Variants in PTK2 observed in about 807,000 individuals in gnomAD.
PTK2 encodes the protein protein tyrosine kinase 2.
A neutral mutation model predicts 150.1 loss-of-function variants in PTK2; 45 were observed. That is an observed-to-expected ratio of 0.30 (90% CI 0.24 to 0.38). PTK2 has a LOEUF of 0.38. PTK2 is among the 10% of genes least tolerant of loss of function. PTK2 has a pLI of 1.00. For synonymous variants in PTK2, 432 were observed against 449.2 expected (o/e 0.96, Z 0.48); for missense variants, 919 against 1,307.3 (o/e 0.70, Z 4.58).
At chr8:140,988,342 G>A (rs2100194153) in intron 1 of PTK2, among the ~76,000 whole-genome samples, 1 of 152,176 alleles carries the variant, frequency 6.6e-6, no homozygotes, top group African/African-American at 2.4e-5. Flanking sequence ...AGTAGGAAGG[G>A]TTCCACAATG....
intron 8 of PTK2, among the ~76,000 whole-genome samples, chr8:140,823,727 A>G (rs1025580083): frequency 9.2e-5 from 14 of 152,144 alleles, no homozygotes; most frequent in African/African-American, 3.4e-4. Context: ...TACACAGCTG[A>G]ATGCATCACG....
intron 29 of PTK2, among the ~76,000 whole-genome samples, chr8:140,671,023 A>G (rs910585861): frequency 4.6e-5 from 7 of 152,020 alleles, no homozygotes; most frequent in African/African-American, 1.7e-4. Context: ...ATGGTTTTCT[A>G]TTTTCTGGAG....
At chr8:140,783,934 G>T (rs2154570946) in intron 14 of PTK2, among the ~76,000 whole-genome samples, 1 of 152,270 alleles carries the variant, frequency 6.6e-6, no homozygotes, top group African/African-American at 2.4e-5. Context: ...AGGCCGAGGT[G>T]GGTGGATCAC....
At chr8:140,710,040 G>A (rs1564839617) in intron 23 of PTK2, among the ~76,000 whole-genome samples, 1 of 152,172 alleles carries the variant, frequency 6.6e-6, no homozygotes, top group Admixed American at 6.5e-5. Flanking sequence ...TAAGCCGGGT[G>A]CAGTGGCTCA....
intron 7 of PTK2, among the ~76,000 whole-genome samples, chr8:140,831,921 C>T (rs777351963): frequency 1.3e-5 from 2 of 152,172 alleles, no homozygotes; most frequent in Non-Finnish European, 2.9e-5. Flanking sequence ...TTATGCCAAT[C>T]ACTACGGAAA....
intron 2 of PTK2, among the ~76,000 whole-genome samples, chr8:140,905,826 C>T (rs900607092): frequency 2.0e-5 from 3 of 152,130 alleles, no homozygotes; most frequent in Non-Finnish European, 4.4e-5. Flanking sequence ...GTCTCTCAGA[C>T]CACAGTGCAA....
chr8:140,883,784 T>TTAGTTCCCTA (rs1211765294), intron 3 of PTK2, among the ~76,000 whole-genome samples: 4 of 152,012 alleles, frequency 2.6e-5, no homozygotes, highest in African/African-American at 7.2e-5. Context: ...AGTCACTGTA[T>TTAGTTCCCTA]TAGTTCCCTA....
intron 30 of PTK2, among the ~76,000 whole-genome samples, chr8:140,666,159 G>A (rs2091274916): frequency 6.6e-6 from 1 of 152,156 alleles, no homozygotes; most frequent in South Asian, 2.1e-4. Context: ...CCAACAGGGT[G>A]AAACCCCGTC....
At position 140,872,761 on chromosome 8, in the gene PTK2, G is replaced by A. The variant is rs114897294; in HGVS notation, c.362+6710C>T. ...TACATGTTCCATATGGTCTTAACAT[G>A]TGTTCCCAACAATCTCGTTAGGTTT... On this transcript the variant is annotated intron_variant, in intron 4 of 31. Transcript: ENST00000522684. 4.5e-3 allele frequency among the ~76,000 whole-genome samples: 687 copies of A among 152,318 alleles called. 12 individuals are homozygous for A. The highest frequency in any genetic ancestry group is 0.015 in the African/African-American group (621 of 41,572).
chr8:140,866,295 T>C (rs1263226863), intron 4 of PTK2, among the ~76,000 whole-genome samples: 1 of 152,138 alleles, frequency 6.6e-6, no homozygotes, highest in Admixed American at 6.5e-5. Context: ...ATATTAAAGA[T>C]AAGGAAAAAG....
At chr8:140,758,649 A>T (rs2100067336) in intron 16 of PTK2, among the ~76,000 whole-genome samples, 1 of 152,218 alleles carries the variant, frequency 6.6e-6, no homozygotes, top group Non-Finnish European at 1.5e-5. Context: ...TTAAAAAATT[A>T]AAAAAATTTA....
chr8:140,842,249 AC>A (rs1396365286), intron 7 of PTK2, among the ~76,000 whole-genome samples: 3 of 152,184 alleles, frequency 2.0e-5, no homozygotes, highest in Non-Finnish European at 2.9e-5. Flanking sequence ...ATGTATTATT[AC>A]CTTTGAAAAT....
In PTK2 at chr8:140,674,550, A is replaced by C; in HGVS notation, c.2603-146T>G. The C allele has an allele frequency of 7.5e-6, 5 of 662,618 alleles. No homozygotes were observed. In the South Asian group the frequency reaches 8.8e-5, roughly 12 times the overall value. The allele number at this position is 662,618 out of a possible 1,614,324, so 41.0% of individuals were successfully genotyped here. On this transcript the variant is annotated intron_variant, in intron 28 of 31. Coordinates refer to ENST00000522684, the Ensembl canonical transcript of PTK2. ...AGGTCAGGAATTCGAGATCAGCCTGACCAACATGGAGAAACCCCATCTCTA... is the reference window on the plus strand; with the variant it reads ...AGGTCAGGAATTCGAGATCAGCCTGCCCAACATGGAGAAACCCCATCTCTA...
At chr8:140,929,735 T>C (rs1392837538) in intron 1 of PTK2, among the ~76,000 whole-genome samples, 1 of 150,666 alleles carries the variant, frequency 6.6e-6, no homozygotes, top group Non-Finnish European at 1.5e-5. Context: ...TGCCACATGG[T>C]ATTAGATATG....
chr8:140,804,539 C>G (rs1162037624), intron 10 of PTK2, among the ~76,000 whole-genome samples: 1 of 151,994 alleles, frequency 6.6e-6, no homozygotes, highest in Non-Finnish European at 1.5e-5. Context: ...GACCCTTCTT[C>G]AAAAAAATAC....
chr8:140,820,512 G>A (rs559743228), intron 8 of PTK2: 1 of 152,488 alleles, frequency 6.6e-6, no homozygotes, highest in East Asian at 1.9e-4. Context: ...GGAGACAGAT[G>A]GCACAAGTAC....
At chr8:140,977,648 G>A (rs868075041) in intron 1 of PTK2, among the ~76,000 whole-genome samples, 1 of 151,530 alleles carries the variant, frequency 6.6e-6, no homozygotes, top group African/African-American at 2.4e-5. Flanking sequence ...AGTGAGCTGT[G>A]ATCGTCCAAC....
At chr8:140,708,174 T>G (rs557767452) in intron 23 of PTK2, among the ~76,000 whole-genome samples, 61 of 152,252 alleles carry the variant, frequency 4.0e-4, no homozygotes, top group African/African-American at 1.4e-3. Context: ...TAGATTTAAG[T>G]TCCAACAAGC....
At chr8:140,988,437 G>T (rs1409255664) in intron 1 of PTK2, among the ~76,000 whole-genome samples, 4 of 152,072 alleles carry the variant, frequency 2.6e-5, no homozygotes, top group African/African-American at 9.7e-5. Context: ...GAGTCTACAA[G>T]ACACCCACAT....
Sources: allele counts gnomAD v4.1 joint callset (sites outside exome capture counted in the v4.1 genomes callset), GRCh38; gene constraint gnomAD v4.1.1; transcripts MANE v1.5; gene names NCBI Gene and HGNC (gene_info 2026-07-23, HGNC 2026-07-21).